The following DCAF5 variants were observed in gnomAD, a reference collection of about 807,000 sequenced individuals.
The protein encoded by DCAF5 is DDB1- and CUL4-associated factor 5.
Under a neutral mutation model 80.7 loss-of-function variants are expected in DCAF5, and 9 were observed. The ratio of observed to expected loss-of-function variants is 0.11; its 90% CI spans 0.07 to 0.19. The LOEUF (loss-of-function observed/expected upper bound fraction) is 0.19. Ranked by LOEUF, DCAF5 falls within the 10% of genes least tolerant of loss-of-function variation. The pLI, the probability that DCAF5 is intolerant of heterozygous loss-of-function variation, is 1.00. For missense variants in DCAF5, 842 were observed against 1,205.7 expected (o/e 0.70, Z 4.47); for synonymous variants, 433 against 461.9 (o/e 0.94, Z 0.80).
At chr14:69,077,537 C>A (rs1201389962) in intron 6 of DCAF5, among the ~76,000 whole-genome samples, 3 of 152,172 alleles carry the variant, frequency 2.0e-5, no homozygotes, top group African/African-American at 7.2e-5. Flanking sequence ...GCAGGCACCA[C>A]CACACCCAGC....
intron 7 of DCAF5, among the ~76,000 whole-genome samples, chr14:69,071,896 A>G (rs1383969129): frequency 6.6e-6 from 1 of 152,232 alleles, no homozygotes; most frequent in Non-Finnish European, 1.5e-5. Flanking sequence ...ATAGTCCTGA[A>G]GCCATGTTGA....
At chr14:69,098,893 C>CAAAAAAAAAAAAAAAAAAAAAAAAA (rs57089112) in intron 5 of DCAF5, among the ~76,000 whole-genome samples, 1 of 59,580 alleles carries the variant, frequency 1.7e-5, no homozygotes, top group Non-Finnish European at 3.1e-5. Context: ...ACTCTGTCTC[C>CAAAAAAAAAAAAAAAAAAAAAAAAA]AAAAAAAAAA....
In DCAF5 at chr14:69,114,267, T is replaced by C. The variant is rs75254982; in HGVS notation, c.665+2099A>G. 7.6e-3 allele frequency among the ~76,000 whole-genome samples: 1,163 copies of C among 152,258 alleles called. 17 individuals are homozygous for C. The highest frequency in any genetic ancestry group is 0.027 in the African/African-American group (1,106 of 41,550). The stretch of plus-strand genomic sequence containing the variant: ...GCAAAAGTAGGCCTGGTTATAAAGA[T>C]AGATTTATAACCAGGTTAAATGTAA... On this transcript the variant is annotated intron_variant, in intron 5 of 8. Transcript: ENST00000341516.
chr14:69,128,912 G>A (rs1051313508), intron 1 of DCAF5, among the ~76,000 whole-genome samples: 1 of 152,000 alleles, frequency 6.6e-6, no homozygotes, highest in African/African-American at 2.4e-5. Context: ...GAACTCAGGA[G>A]TTGGAGACCA....
intron 7 of DCAF5, 99 bp from the exon 8 acceptor site, chr14:69,062,610 T>C: frequency 7.2e-7 from 1 of 1,386,462 alleles, no homozygotes; most frequent in Non-Finnish European, 9.9e-7. Flanking sequence ...GGAGCAAAGA[T>C]TTTTGGATTA....
intron 6 of DCAF5, chr14:69,084,359 C>T: frequency 1.1e-6 from 1 of 930,004 alleles, no homozygotes; most frequent in Non-Finnish European, 1.8e-6. Context: ...TAAAAATCTG[C>T]AGTGTCTGGT....
intron 5 of DCAF5, among the ~76,000 whole-genome samples, chr14:69,098,727 CAAAAAAA>C (rs35501979): frequency 1.6e-4 from 15 of 92,524 alleles, no homozygotes; most frequent in Admixed American, 4.1e-4. Context: ...ACTAAAAATA[CAAAAAAA>C]AAAAAAAAAA....
At chr14:69,119,766 CACTAAATGATCATTG>C (rs2040656194) in intron 2 of DCAF5, among the ~76,000 whole-genome samples, 1 of 150,866 alleles carries the variant, frequency 6.6e-6, no homozygotes, top group Non-Finnish European at 1.5e-5. Context: ...TCAAGAAAAA[CACTAAATGATCATTG>C]ACAAATCAAT....
At chr14:69,124,451 T>C (rs2040816721) in intron 1 of DCAF5, among the ~76,000 whole-genome samples, 1 of 152,204 alleles carries the variant, frequency 6.6e-6, no homozygotes, top group Non-Finnish European at 1.5e-5. Flanking sequence ...CTTATTCTCC[T>C]GCTCCTAGAA....
At chr14:69,111,104 G>A (rs189323634) in intron 5 of DCAF5, among the ~76,000 whole-genome samples, 44 of 152,298 alleles carry the variant, frequency 2.9e-4, no homozygotes, top group African/African-American at 9.9e-4. Flanking sequence ...GAGCATGAGT[G>A]CCTTTTCCAG....
upstream of DCAF5, chr14:69,153,149 T>G (rs1391447048): frequency 2.1e-6 from 1 of 469,204 alleles, no homozygotes; most frequent in Non-Finnish European, 3.6e-6. Flanking sequence ...CGCGGCTTCC[T>G]GACGGTCCCC....
intron 6 of DCAF5, among the ~76,000 whole-genome samples, chr14:69,085,630 T>C (rs1380573330): frequency 3.3e-5 from 5 of 152,254 alleles, no homozygotes; most frequent in African/African-American, 1.2e-4. Flanking sequence ...TCATCTTTCT[T>C]GTGATGATAT....
At chr14:69,135,162 T>C (rs955176925) in intron 1 of DCAF5, among the ~76,000 whole-genome samples, 5 of 152,216 alleles carry the variant, frequency 3.3e-5, no homozygotes, top group African/African-American at 1.2e-4. Flanking sequence ...TTTTTCGCAA[T>C]AACACTACAA....
At position 69,052,183 on chromosome 14, in the gene DCAF5, T is replaced by A. The variant is rs2139811104; in HGVS notation, c.*1674A>T. On this transcript the variant is annotated 3_prime_UTR_variant, in exon 9 of 9. Coordinates refer to ENST00000341516, the MANE Select transcript of DCAF5 (RefSeq NM_003861.3). ...TTCTCTTTCACAGAGCTTATCAGGA[T>A]GGTATCTCCTTTTGGCTTAAACCAA... 6.6e-6 allele frequency: 1 copy of A among 152,432 alleles called. No homozygotes were observed. Among genetic ancestry groups the A allele is most frequent in the African/African-American group, 2.4e-5 (1 of 41,546 alleles). The allele number at this position is 152,432 out of a possible 1,614,324, so 9.4% of individuals were successfully genotyped here. A position where few individuals can be genotyped will look rare whatever the true frequency, so the allele number is the denominator to read the frequency against.
intron 5 of DCAF5, among the ~76,000 whole-genome samples, chr14:69,093,991 G>A (rs2039616136): frequency 6.6e-6 from 1 of 152,216 alleles, no homozygotes; most frequent in Non-Finnish European, 1.5e-5. Context: ...TTTACAGGGT[G>A]CTGTGGCTGC....
At position 69,054,490 on chromosome 14, in the gene DCAF5, A is replaced by C. The variant is rs1421827771; in HGVS notation, c.2196T>G (p.Thr732=). Residue 732 remains threonine, a synonymous_variant, in exon 9 of 9, where the codon ACT becomes ACG. Transcript: ENST00000341516. The part of the protein sequence containing the change: ...DLPPEGCSKD[T]FKEETPRTPS... Reference sequence around the variant, plus strand: ...GAGTTCTAGGAGTCTCTTCTTTAAAAGTGTCCTTGCTGCAGCCTTCAGGTG... The same window carrying C: ...GAGTTCTAGGAGTCTCTTCTTTAAACGTGTCCTTGCTGCAGCCTTCAGGTG... 1.2e-6 allele frequency: 2 copies of C among 1,614,144 alleles called. No homozygotes were observed. Among genetic ancestry groups the C allele is most frequent in the Non-Finnish European group, 1.7e-6 (2 of 1,180,016 alleles).
chr14:69,127,015 G>A (rs1191390034), intron 1 of DCAF5, among the ~76,000 whole-genome samples: 7 of 152,168 alleles, frequency 4.6e-5, no homozygotes, highest in African/African-American at 9.7e-5. Context: ...GGAACAACAC[G>A]CAATCTCATT....
At chr14:69,069,750 C>T (rs1312953190) in intron 7 of DCAF5, among the ~76,000 whole-genome samples, 1 of 152,082 alleles carries the variant, frequency 6.6e-6, no homozygotes, top group Non-Finnish European at 1.5e-5. Context: ...GCCAGGATTA[C>T]AGGTACGAGC....
At position 69,051,856 on chromosome 14, in the gene DCAF5, A is replaced by G. The variant is rs2037773309; in HGVS notation, c.*2001T>C. On this transcript the variant is annotated 3_prime_UTR_variant, in exon 9 of 9. Transcript: ENST00000341516. ...AGAGAAACACACACTGAGTGATCGT[A>G]TTTTTTTTGTATATAAAGGATTAAA... 6.6e-6 allele frequency: 1 copy of G among 152,472 alleles called. No homozygotes were observed. Among genetic ancestry groups the G allele is most frequent in the African/African-American group, 2.4e-5 (1 of 41,398 alleles). 9.4% of individuals were successfully genotyped at this position (152,472 alleles called of 1,614,324 possible).
Sources: allele counts gnomAD v4.1 joint callset (sites outside exome capture counted in the v4.1 genomes callset), GRCh38; gene constraint gnomAD v4.1.1; transcripts MANE v1.5; gene names NCBI Gene and HGNC (gene_info 2026-07-23, HGNC 2026-07-21).